The following FER variants were observed in gnomAD, a reference collection of about 807,000 sequenced individuals.
The protein encoded by FER is FER tyrosine kinase, also known as tyrosine-protein kinase Fer.
Under a neutral mutation model 111.0 loss-of-function variants are expected in FER, and 63 were observed. The ratio of observed to expected loss-of-function variants is 0.57; its 90% CI spans 0.46 to 0.70. The LOEUF is 0.70. Among genes scored for constraint, FER ranks in the 30% least tolerant of loss-of-function variants. The pLI is 0.00. For synonymous variants in FER, 327 were observed against 313.9 expected (o/e 1.04, Z -0.44); for missense variants, 914 against 954.0 (o/e 0.96, Z 0.55).
intron 17 of FER, among the ~76,000 whole-genome samples, chr5:109,139,709 A>G (rs1416455649): frequency 6.6e-6 from 1 of 152,072 alleles, no homozygotes; most frequent in Non-Finnish European, 1.5e-5. Flanking sequence ...TCTGGATATG[A>G]TGTGTTAATA....
intron 17 of FER, among the ~76,000 whole-genome samples, chr5:109,157,305 C>T (rs183895605): frequency 6.6e-6 from 1 of 152,196 alleles, no homozygotes; most frequent in East Asian, 1.9e-4. Flanking sequence ...TTCTTAGTGA[C>T]GGTTTCTATG....
intron 3 of FER, among the ~76,000 whole-genome samples, chr5:108,811,986 CAAA>C (rs1561455396): frequency 3.3e-5 from 5 of 152,174 alleles, no homozygotes; most frequent in Admixed American, 6.5e-5. Context: ...GAAACACCCT[CAAA>C]GACACACAGA....
chr5:108,994,243 GT>G (rs532037786), intron 13 of FER, among the ~76,000 whole-genome samples: 10 of 152,100 alleles, frequency 6.6e-5, no homozygotes, highest in Non-Finnish European at 7.4e-5. Context: ...ATAGTTTTGG[GT>G]TTTGTATTTC....
intron 8 of FER, among the ~76,000 whole-genome samples, chr5:108,879,254 T>TATTTA (rs978362008): frequency 2.0e-5 from 3 of 152,114 alleles, no homozygotes; most frequent in African/African-American, 7.2e-5. Context: ...TATTTTATTT[T>TATTTA]ATTTAAGTTC....
chr5:109,161,856 C>T (rs1561974910), intron 17 of FER, among the ~76,000 whole-genome samples: 1 of 152,020 alleles, frequency 6.6e-6, no homozygotes, highest in East Asian at 1.9e-4. Context: ...CTGTCTTCCA[C>T]AATTATTGAA....
At chr5:108,942,650 G>A (rs1467799150) in intron 10 of FER, among the ~76,000 whole-genome samples, 2 of 152,042 alleles carry the variant, frequency 1.3e-5, no homozygotes, top group East Asian at 1.9e-4. Flanking sequence ...ATTGTGCCCA[G>A]CAAATCAGCA....
At chr5:108,826,956 T>A (rs1372566450) in intron 3 of FER, among the ~76,000 whole-genome samples, 1 of 152,204 alleles carries the variant, frequency 6.6e-6, no homozygotes, top group Non-Finnish European at 1.5e-5. Context: ...ACTTTTTTTT[T>A]ATTCTCAATT....
intron 17 of FER, among the ~76,000 whole-genome samples, chr5:109,175,443 CA>C (rs1306840650): frequency 1.3e-5 from 2 of 151,898 alleles, no homozygotes; most frequent in African/African-American, 4.8e-5. Flanking sequence ...ATGCTTTTAC[CA>C]TATATAAAAA....
intron 9 of FER, 115 bp from the exon 10 acceptor site, chr5:108,897,544 G>T (rs1581106667): frequency 1.4e-6 from 1 of 705,006 alleles, no homozygotes; most frequent in Non-Finnish European, 2.1e-6. Context: ...TATTTTTTAT[G>T]ATTCTAAAGG....
At chr5:109,118,787 T>C (rs1169900595) in intron 17 of FER, among the ~76,000 whole-genome samples, 2 of 152,198 alleles carry the variant, frequency 1.3e-5, no homozygotes, top group Admixed American at 6.5e-5. Flanking sequence ...TCTAGTTTAT[T>C]TGCATAGAGG....
chr5:109,029,127 AC>A (rs1769203952), intron 13 of FER, among the ~76,000 whole-genome samples: 1 of 152,080 alleles, frequency 6.6e-6, no homozygotes, highest in Admixed American at 6.5e-5. Context: ...AATGAAACAG[AC>A]CTACTTTGTT....
In FER at chr5:108,958,704, C is replaced by T. The variant is rs111802534; in HGVS notation, c.1534-521C>T. Among the ~76,000 whole-genome samples the T allele has an allele frequency of 4.2e-4, 64 of 151,920 alleles. 1 individual carries two copies. Among genetic ancestry groups the T allele is most frequent in the African/African-American group, 1.4e-3 (59 of 41,532 alleles). ...TTAATAATAAATGAATACTCCACTA[C>T]AGAAAGCAAACTAATACTGTATCAG... On this transcript the variant is annotated intron_variant, in intron 12 of 19. Coordinates refer to ENST00000281092, the MANE Select transcript of FER (RefSeq NM_005246.4).
intron 14 of FER, among the ~76,000 whole-genome samples, chr5:109,041,883 C>G (rs1483215076): frequency 1.3e-5 from 2 of 152,184 alleles, no homozygotes; most frequent in East Asian, 1.9e-4. Context: ...ACACTGTGTT[C>G]TATCTGCAGG....
intron 17 of FER, among the ~76,000 whole-genome samples, chr5:109,128,030 G>A (rs116173058): frequency 6.3e-4 from 96 of 152,200 alleles, no homozygotes; most frequent in African/African-American, 2.1e-3. Flanking sequence ...GTTGAAAACC[G>A]TTAATCAGAA....
rs115027679 is a variant in FER, at chr5:108,853,843, G to A, written c.482-13924G>A. ...AGTGTTTTGAGCAGAGGAGTGACGTGAATGAACTTACATTTTAACAGGATA... is the reference window on the plus strand; with the variant it reads ...AGTGTTTTGAGCAGAGGAGTGACGTAAATGAACTTACATTTTAACAGGATA... On this transcript the variant is annotated intron_variant, in intron 5 of 19. Coordinates refer to ENST00000281092, the MANE Select transcript of FER (RefSeq NM_005246.4). Among the ~76,000 whole-genome samples the A allele has an allele frequency of 4.2e-3, 638 of 152,278 alleles. 5 individuals carry two copies. The highest frequency in any genetic ancestry group is 0.015 in the African/African-American group (618 of 41,548).
At chr5:108,910,286 G>A (rs923814673) in intron 10 of FER, among the ~76,000 whole-genome samples, 16 of 151,954 alleles carry the variant, frequency 1.1e-4, no homozygotes, top group Non-Finnish European at 2.4e-4. Context: ...GGCTTCCTTC[G>A]AACCTGCTCT....
intron 9 of FER, chr5:108,894,397 T>C: frequency 1.1e-6 from 1 of 899,620 alleles, no homozygotes; most frequent in African/African-American, 1.8e-5. Flanking sequence ...AGCAACTGTT[T>C]GTGGACCTCG....
chr5:108,889,863 G>GCTTTT (rs1747762612), intron 9 of FER, among the ~76,000 whole-genome samples: 1 of 151,690 alleles, frequency 6.6e-6, no homozygotes, highest in South Asian at 2.1e-4. Context: ...ATGTAGCAGC[G>GCTTTT]GTGATACATA....
intron 3 of FER, among the ~76,000 whole-genome samples, chr5:108,819,634 G>A (rs548748653): frequency 1.3e-5 from 2 of 152,316 alleles, no homozygotes; most frequent in African/African-American, 4.8e-5. Context: ...TGTAAAAGAG[G>A]CAGAGAGCGT....
Sources: allele counts gnomAD v4.1 joint callset (sites outside exome capture counted in the v4.1 genomes callset), GRCh38; gene constraint gnomAD v4.1.1; transcripts MANE v1.5; gene names NCBI Gene and HGNC (gene_info 2026-07-23, HGNC 2026-07-21).